HRH2: variants seen among roughly 807,000 people sequenced by gnomAD.
HRH2 encodes the protein histamine H2 receptor.
HRH2 carries 4 observed loss-of-function variants against 20.1 expected under a neutral mutation model. The observed-to-expected ratio is 0.20, with a 90% CI of 0.10 to 0.45. The LOEUF (loss-of-function observed/expected upper bound fraction) is 0.45. Among genes scored for constraint, HRH2 ranks in the 20% least tolerant of loss-of-function variants. The probability of loss-of-function intolerance (pLI) is 0.99; values close to 1 mark genes in which losing one functional copy is unlikely to be tolerated. For missense variants in HRH2, 250 were observed against 461.6 expected (o/e 0.54, Z 4.20); for synonymous variants, 197 against 200.7 (o/e 0.98, Z 0.16).
chr5:175,681,068 C>T lies in HRH2; in HGVS notation c.-525-1641C>T, dbSNP rs771242747. 5.9e-5 allele frequency among the ~76,000 whole-genome samples: 9 copies of T among 152,144 alleles called. No individual in the cohort carries two copies. The highest frequency in any genetic ancestry group is 2.1e-4 in the South Asian group (1 of 4,832). On this transcript the variant is annotated intron_variant, in intron 1 of 2. Transcript: ENST00000636584. The surrounding 1 kb of genome is among the most constrained non-coding windows in gnomAD (Gnocchi z 4.3). ...AGCCTGATGCCAAAATACCTATACC[C>T]GGCTGTTGTGGTAACTCAGAAAAAC...
chr5:175,683,431 C>T lies in HRH2; in HGVS notation c.198C>T (p.Leu66=). 6.2e-7 allele frequency: 1 copy of T among 1,614,200 alleles called. No homozygotes were observed. Among genetic ancestry groups the T allele is most frequent in the Non-Finnish European group, 8.5e-7 (1 of 1,180,032 alleles). Residue 66 remains leucine, a synonymous_variant, in exon 2 of 3, where the codon CTC becomes CTT. Coordinates refer to ENST00000636584, the MANE Select transcript of HRH2 (RefSeq NM_001367711.1). ...TGTCCTTGGCTATCACTGACCTGCTCCTCGGCCTCCTGGTGCTGCCCTTCT... is the reference window on the plus strand; with the variant it reads ...TGTCCTTGGCTATCACTGACCTGCTTCTCGGCCTCCTGGTGCTGCCCTTCT... ...FIVSLAITDL[L]LGLLVLPFSA...
At chr5:175,671,367 T>G (rs1313237978) in intron 1 of HRH2, among the ~76,000 whole-genome samples, 1 of 152,178 alleles carries the variant, frequency 6.6e-6, no homozygotes, top group Admixed American at 6.5e-5. Context: ...GACTTCTGCC[T>G]GTAAGAGAAA....
chr5:175,706,532 T>C (rs763830405), intron 2 of HRH2, among the ~76,000 whole-genome samples: 2 of 152,190 alleles, frequency 1.3e-5, no homozygotes, highest in Admixed American at 1.3e-4. Flanking sequence ...CCGAGTGCAA[T>C]GAGAGTTGCC....
At position 175,684,139 on chromosome 5, in the gene HRH2, C is replaced by T; in HGVS notation, c.906C>T (p.Leu302=). Residue 302 remains leucine (L), a synonymous_variant, in exon 2 of 3, where the codon CTC becomes CTT. Transcript: ENST00000636584. ...NRDFRTGYQQ[L]FCCRLANRNS... ...ACTTCCGCACCGGGTACCAACAGCT[C>T]TTCTGCTGCAGGCTGGCCAACCGCA... The T allele has an allele frequency of 1.9e-6, 3 of 1,614,206 alleles. No homozygotes were observed. Among genetic ancestry groups the T allele is most frequent in the Non-Finnish European group, 1.7e-6 (2 of 1,180,044 alleles).
Position 175,707,888 on chromosome 5 carries a change from C to T in HRH2, c.1186C>T (p.Leu396=), listed in dbSNP as rs542342991. 1.3e-4 allele frequency: 52 copies of T among 399,274 alleles called. No individual in the cohort carries two copies. The East Asian group carries it at 1.8e-3, about 14-fold the overall frequency. 24.7% of individuals were successfully genotyped at this position (399,274 alleles called of 1,614,324 possible). A position where few individuals can be genotyped will look rare whatever the true frequency, so the allele number is the denominator to read the frequency against. The change falls in exon 3 of 3, where the codon CTA becomes TTA. Residue 396 remains leucine, a synonymous_variant. Transcript: ENST00000636584. ...QRHMGGPSEE[L]SGEPLSEEPQ... ...ACACATGGGAGGCCCCTCGGAGGAGCTATCGGGGGAGCCACTGTCTGAGGA... is the reference window on the plus strand; with the variant it reads ...ACACATGGGAGGCCCCTCGGAGGAGTTATCGGGGGAGCCACTGTCTGAGGA...
At chr5:175,668,945 G>T (rs1274531768) in intron 1 of HRH2, among the ~76,000 whole-genome samples, 1 of 152,216 alleles carries the variant, frequency 6.6e-6, no homozygotes, top group African/African-American at 2.4e-5. Flanking sequence ...TGTCCACAAA[G>T]AATCAATCGT....
rs1355622530 is a variant in HRH2, at chr5:175,708,476, G to A, written c.*505G>A. 6.6e-6 allele frequency: 1 copy of A among 152,360 alleles called. No individual in the cohort carries two copies. The highest frequency in any genetic ancestry group is 1.5e-5 in the Non-Finnish European group (1 of 68,182). The allele number at this position is 152,360 out of a possible 1,614,324, so 9.4% of individuals were successfully genotyped here. On this transcript the variant is annotated 3_prime_UTR_variant, in exon 3 of 3. Coordinates refer to ENST00000636584, the MANE Select transcript of HRH2 (RefSeq NM_001367711.1). Reference sequence around the variant, plus strand: ...TGTGTACCAGGTGCTTCCCTGGCATGAGCTCTCGTAACCCTTATAGCAACA... The same window carrying A: ...TGTGTACCAGGTGCTTCCCTGGCATAAGCTCTCGTAACCCTTATAGCAACA...
At chr5:175,661,296 A>G (rs1477982462) in intron 1 of HRH2, among the ~76,000 whole-genome samples, 1 of 152,172 alleles carries the variant, frequency 6.6e-6, no homozygotes, top group African/African-American at 2.4e-5. Flanking sequence ...CCTCCTTGCC[A>G]GCACCCAGGA....
At chr5:175,675,846 T>C (rs928280941) in intron 1 of HRH2, among the ~76,000 whole-genome samples, 1 of 152,222 alleles carries the variant, frequency 6.6e-6, no homozygotes, top group African/African-American at 2.4e-5. Flanking sequence ...GGTGGAAAGA[T>C]TGAAAAGGTC....
intron 1 of HRH2, among the ~76,000 whole-genome samples, chr5:175,670,056 G>A (rs1351865085): frequency 6.6e-6 from 1 of 152,154 alleles, no homozygotes; most frequent in Non-Finnish European, 1.5e-5. Context: ...ATCACTGCTC[G>A]GTGTCACTCC....
At chr5:175,691,029 G>C (rs550070372) in intron 2 of HRH2, among the ~76,000 whole-genome samples, 2 of 151,444 alleles carry the variant, frequency 1.3e-5, no homozygotes, top group Non-Finnish European at 2.9e-5. Context: ...CCTTCCCCAC[G>C]TGTTTGGGCT....
At chr5:175,685,744 G>T (rs1307592498) in intron 2 of HRH2, 2 of 559,022 alleles carry the variant, frequency 3.6e-6, no homozygotes, top group Admixed American at 6.5e-5. Flanking sequence ...AAGCTCACAT[G>T]AGCGAAGGGA....
chr5:175,670,696 G>A (rs1047329441), intron 1 of HRH2, among the ~76,000 whole-genome samples: 1 of 152,154 alleles, frequency 6.6e-6, no homozygotes, highest in African/African-American at 2.4e-5. Flanking sequence ...CCTGCCTGGG[G>A]CAGAACCCTC....
intron 1 of HRH2, among the ~76,000 whole-genome samples, chr5:175,672,681 G>A (rs976214535): frequency 5.9e-5 from 9 of 152,336 alleles, no homozygotes; most frequent in African/African-American, 1.9e-4. Flanking sequence ...TGGGGAGCAA[G>A]GTGGAGTGGA....
intron 2 of HRH2, among the ~76,000 whole-genome samples, chr5:175,696,222 T>C (rs540126369): frequency 6.6e-6 from 1 of 152,250 alleles, no homozygotes; most frequent in African/African-American, 2.4e-5. Flanking sequence ...AAGGAGAGGG[T>C]ACGTCAAGTC....
rs1378336751 is a variant in HRH2 at position 175,708,466 on chromosome 5, T to A, written c.*495T>A. The A allele has an allele frequency of 1.3e-5, 2 of 152,352 alleles. No individual in the cohort carries two copies. Among genetic ancestry groups the A allele is most frequent in the Non-Finnish European group, 2.9e-5 (2 of 68,174 alleles). The allele number at this position is 152,352 out of a possible 1,614,324, so 9.4% of individuals were successfully genotyped here. ...GAGCACCTACTGTGTACCAGGTGCT[T>A]CCCTGGCATGAGCTCTCGTAACCCT... On this transcript the variant is annotated 3_prime_UTR_variant, in exon 3 of 3. Transcript: ENST00000636584.
chr5:175,700,856 C>T (rs1480574336), intron 2 of HRH2, among the ~76,000 whole-genome samples: 1 of 152,060 alleles, frequency 6.6e-6, no homozygotes, highest in African/African-American at 2.4e-5. Flanking sequence ...CCACTGCACT[C>T]CAGCCTGGGC....
At chr5:175,694,792 A>T (rs996448892) in intron 2 of HRH2, among the ~76,000 whole-genome samples, 1 of 151,920 alleles carries the variant, frequency 6.6e-6, no homozygotes, top group Admixed American at 6.6e-5. Flanking sequence ...CCTTCCAGTG[A>T]CCCCAGCTCC....
intron 2 of HRH2, among the ~76,000 whole-genome samples, chr5:175,699,819 C>T (rs113130999): frequency 0.057 from 8,740 of 152,190 alleles, 762 homozygotes; most frequent in African/African-American, 0.18. Flanking sequence ...GTGATCCGCC[C>T]GCCTCAGCCT....
Sources: allele counts gnomAD v4.1 joint callset (sites outside exome capture counted in the v4.1 genomes callset), GRCh38; gene constraint gnomAD v4.1.1; non-coding constraint Gnocchi (gnomAD v3.1); transcripts MANE v1.5; gene names NCBI Gene and HGNC (gene_info 2026-07-23, HGNC 2026-07-21).